The following SOCS6 variants were observed in gnomAD, a reference collection of about 807,000 sequenced individuals.
SOCS6 encodes suppressor of cytokine signaling 6.
A neutral mutation model predicts 27.7 loss-of-function variants in SOCS6; 5 were observed. The ratio of observed to expected loss-of-function variants is 0.18; its 90% CI spans 0.09 to 0.38. SOCS6 has a LOEUF of 0.38. SOCS6 is among the 10% of genes least tolerant of loss of function. The pLI, the probability that SOCS6 is intolerant of heterozygous loss-of-function variation, is 1.00. For missense variants in SOCS6, 595 were observed against 688.1 expected (o/e 0.86, Z 1.51); for synonymous variants, 271 against 260.0 (o/e 1.04, Z -0.41).
intron 1 of SOCS6, among the ~76,000 whole-genome samples, chr18:70,298,305 AG>A (rs1309546167): frequency 6.6e-6 from 1 of 152,178 alleles, no homozygotes; most frequent in Non-Finnish European, 1.5e-5. Context: ...TCTTTTTCAT[AG>A]ACAATTAATG....
chr18:70,303,565 A>G (rs1375675651), intron 1 of SOCS6, among the ~76,000 whole-genome samples: 3 of 152,158 alleles, frequency 2.0e-5, no homozygotes, highest in African/African-American at 7.2e-5. Flanking sequence ...AGGCTGAGTC[A>G]GGTGGATCAT....
chr18:70,318,822 G>T (rs1305688509), intron 1 of SOCS6, among the ~76,000 whole-genome samples: 3 of 151,912 alleles, frequency 2.0e-5, no homozygotes, highest in African/African-American at 7.3e-5. Flanking sequence ...TATAATCCCA[G>T]CTACTCAGGA....
rs2062285904 is a variant in SOCS6 at position 70,289,045 on chromosome 18, A to C, written c.-172A>C. On this transcript the variant is annotated 5_prime_UTR_variant, in exon 1 of 2. Transcript: ENST00000397942. ...GCCGAGAGGAGAAGGCGAGCGCGGCAGTCGCGCCGGCGCTGGGCGAGGAAG... is the reference window on the plus strand; with the variant it reads ...GCCGAGAGGAGAAGGCGAGCGCGGCCGTCGCGCCGGCGCTGGGCGAGGAAG... 6.7e-6 allele frequency: 1 copy of C among 150,186 alleles called. No homozygotes were observed. Among genetic ancestry groups the C allele is most frequent in the Admixed American group, 6.6e-5 (1 of 15,118 alleles). The allele number at this position is 150,186 out of a possible 1,614,324, so 9.3% of individuals were successfully genotyped here. A position where few individuals can be genotyped will look rare whatever the true frequency, so the allele number is the denominator to read the frequency against.
intron 1 of SOCS6, among the ~76,000 whole-genome samples, chr18:70,302,437 A>G (rs1030131227): frequency 6.6e-6 from 1 of 152,136 alleles, no homozygotes; most frequent in African/African-American, 2.4e-5. Context: ...TCCAGACAGC[A>G]TTAAGGACCC....
At chr18:70,311,974 A>G (rs1282339833) in intron 1 of SOCS6, among the ~76,000 whole-genome samples, 1 of 152,160 alleles carries the variant, frequency 6.6e-6, no homozygotes, top group East Asian at 1.9e-4. Context: ...ACCTCTCTGT[A>G]TTTCAGCTTC....
intron 1 of SOCS6, among the ~76,000 whole-genome samples, chr18:70,310,559 C>T (rs1328664353): frequency 6.7e-5 from 10 of 149,816 alleles, no homozygotes; most frequent in Non-Finnish European, 1.5e-4. Context: ...CTGCACACCT[C>T]GGCCTCCCAA....
intron 1 of SOCS6, among the ~76,000 whole-genome samples, chr18:70,317,581 A>C (rs916676756): frequency 6.7e-6 from 1 of 149,704 alleles, no homozygotes; most frequent in Non-Finnish European, 1.5e-5. Flanking sequence ...ACACACACAC[A>C]CCACATTTTC....
At chr18:70,318,997 T>G (rs1460041284) in intron 1 of SOCS6, among the ~76,000 whole-genome samples, 1 of 151,808 alleles carries the variant, frequency 6.6e-6, no homozygotes, top group African/African-American at 2.4e-5. Context: ...GAAAGGAAAT[T>G]TTGTCTAATA....
chr18:70,316,958 A>G (rs1205852179), intron 1 of SOCS6, among the ~76,000 whole-genome samples: 2 of 152,260 alleles, frequency 1.3e-5, no homozygotes, highest in Admixed American at 6.5e-5. Context: ...TCTTTTAAGT[A>G]TAATTAGAAG....
intron 1 of SOCS6, among the ~76,000 whole-genome samples, chr18:70,316,105 C>T (rs1461820160): frequency 1.2e-4 from 19 of 152,186 alleles, no homozygotes; most frequent in Admixed American, 1.2e-3. Flanking sequence ...CCGCCTCGAC[C>T]TCCCAAAGTG....
At chr18:70,313,777 C>T (rs2062399902) in intron 1 of SOCS6, among the ~76,000 whole-genome samples, 1 of 152,168 alleles carries the variant, frequency 6.6e-6, no homozygotes, top group Non-Finnish European at 1.5e-5. Context: ...TCATGTAGCT[C>T]ATTCTCCTTC....
At chr18:70,310,635 T>C (rs1289722197) in intron 1 of SOCS6, among the ~76,000 whole-genome samples, 1 of 151,956 alleles carries the variant, frequency 6.6e-6, no homozygotes, top group Non-Finnish European at 1.5e-5. Flanking sequence ...ATGCCAGAAG[T>C]GAATCCCCTA....
In SOCS6 at chr18:70,306,576, AT is replaced by A. The variant is rs1001878623; in HGVS notation, c.-127+17494del. 6.6e-5 allele frequency among the ~76,000 whole-genome samples: 10 copies of A among 150,992 alleles called. No homozygotes were observed. In the South Asian group the frequency reaches 2.1e-3, roughly 32 times the overall value. On this transcript the variant is annotated intron_variant, in intron 1 of 1. Transcript: ENST00000397942. ...ATTTCTTCCTTTCCAATTTGTATGC[AT>A]TTTTTTTCTTGTTCCACTGGCTCAA...
intron 1 of SOCS6, among the ~76,000 whole-genome samples, chr18:70,310,823 A>C (rs943116710): frequency 2.0e-5 from 3 of 152,200 alleles, no homozygotes; most frequent in Non-Finnish European, 1.5e-5. Context: ...TTCAAGTAAC[A>C]TGGCAGTTTC....
intron 1 of SOCS6, among the ~76,000 whole-genome samples, chr18:70,300,446 T>TATA (rs1211985008): frequency 7.9e-5 from 12 of 152,124 alleles, no homozygotes; most frequent in African/African-American, 2.9e-4. Flanking sequence ...TCAATTCTTA[T>TATA]AAGCCAACAC....
intron 1 of SOCS6, among the ~76,000 whole-genome samples, chr18:70,293,885 G>A (rs191158568): frequency 0.011 from 1,720 of 152,232 alleles, 18 homozygotes; most frequent in Non-Finnish European, 0.017. Flanking sequence ...GAGGTCAGGA[G>A]TTCGAGACCA....
In SOCS6 at chr18:70,325,577, T is replaced by A. The variant is rs773139744; in HGVS notation, c.909T>A (p.Gly303=). The change falls in exon 2 of 2, where the codon GGT becomes GGA. Residue 303 remains glycine (G), a synonymous_variant. Transcript: ENST00000397942. The surrounding 1 kb of genome is among the most constrained non-coding windows in gnomAD (Gnocchi z 6.3). ...TGVMLQSPRA[G]HDDVPPLSPL... ...TCATGTTGCAGAGCCCGAGAGCGGG[T>A]CACGATGATGTCCCTCCACTCTCAC... 8.1e-6 allele frequency: 13 copies of A among 1,614,084 alleles called. No homozygotes were observed. In the South Asian group the frequency reaches 1.4e-4, roughly 18 times the overall value.
chr18:70,308,895 C>CA (rs1273833648), intron 1 of SOCS6, among the ~76,000 whole-genome samples: 1 of 152,146 alleles, frequency 6.6e-6, no homozygotes, highest in Non-Finnish European at 1.5e-5. Context: ...TTATTATTTA[C>CA]ATGGAAATTT....
At chr18:70,303,609 C>T (rs373336306) in intron 1 of SOCS6, among the ~76,000 whole-genome samples, 2 of 152,056 alleles carry the variant, frequency 1.3e-5, no homozygotes, top group African/African-American at 2.4e-5. Context: ...GCCTGGCTAA[C>T]GTGGTGAAAC....
Sources: gnomAD v4.1 joint callset for allele counts (sites outside exome capture counted in the v4.1 genomes callset) on GRCh38, gnomAD v4.1.1 for gene constraint, Gnocchi (gnomAD v3.1) non-coding constraint, MANE v1.5 for transcripts, NCBI Gene and HGNC (gene_info 2026-07-23, HGNC 2026-07-21) for gene names.